Variants in FSHR observed in about 807,000 individuals in gnomAD.
FSHR encodes follicle-stimulating hormone receptor.
In FSHR, 46 loss-of-function variants were observed where a neutral mutation model predicts 52.1. That is an observed-to-expected ratio of 0.88 (90% CI 0.70 to 1.13). FSHR has a LOEUF of 1.13. FSHR is among the 50% of genes most tolerant of loss of function. The probability of loss-of-function intolerance (pLI) is 0.00; values close to 1 mark genes in which losing one functional copy is unlikely to be tolerated. For synonymous variants in FSHR, 399 were observed against 309.6 expected, an observed-to-expected ratio of 1.29 and a Z score of -3.03; for missense variants, 964 against 834.6, an observed-to-expected ratio of 1.16 and a Z score of -1.91.
At chr2:48,983,460 C>T (rs1023758229) in intron 6 of FSHR, among the ~76,000 whole-genome samples, 1 of 152,212 alleles carries the variant, frequency 6.6e-6, no homozygotes, top group Non-Finnish European at 1.5e-5. Context: ...ACTGTAAGGT[C>T]TTTACACACA....
intron 2 of FSHR, among the ~76,000 whole-genome samples, chr2:49,025,593 T>G (rs539347862): frequency 2.6e-5 from 4 of 152,130 alleles, no homozygotes; most frequent in Non-Finnish European, 4.4e-5. Flanking sequence ...AAAATTCCCA[T>G]GAAAATATGT....
intron 2 of FSHR, among the ~76,000 whole-genome samples, chr2:49,028,592 C>A (rs565055577): frequency 6.6e-6 from 1 of 152,292 alleles, no homozygotes; most frequent in African/African-American, 2.4e-5. Flanking sequence ...TCCTCTTATT[C>A]CTGGGAGCAT....
intron 4 of FSHR, among the ~76,000 whole-genome samples, chr2:49,013,018 C>G (rs1023127819): frequency 2.6e-5 from 4 of 151,692 alleles, no homozygotes; most frequent in African/African-American, 9.7e-5. Flanking sequence ...AGGATTATTG[C>G]CATTATATAA....
At chr2:49,033,734 T>C (rs549926502) in intron 2 of FSHR, among the ~76,000 whole-genome samples, 53 of 152,084 alleles carry the variant, frequency 3.5e-4, no homozygotes, top group Non-Finnish European at 7.5e-4. Context: ...AGAAAAAAAA[T>C]CATTTACCCC....
chr2:49,038,985 C>T (rs548889444), intron 2 of FSHR, among the ~76,000 whole-genome samples: 10 of 152,220 alleles, frequency 6.6e-5, no homozygotes, highest in African/African-American at 1.4e-4. Flanking sequence ...TATTTGAGAA[C>T]GTGTGCATAT....
At chr2:48,990,254 T>C (rs1573056025) in intron 5 of FSHR, among the ~76,000 whole-genome samples, 1 of 151,014 alleles carries the variant, frequency 6.6e-6, no homozygotes, top group South Asian at 2.1e-4. Flanking sequence ...ATACAGGGGG[T>C]GTTGTTTATG....
At chr2:49,022,287 C>CAAT (rs1667752842) in intron 2 of FSHR, among the ~76,000 whole-genome samples, 1 of 151,732 alleles carries the variant, frequency 6.6e-6, no homozygotes, top group East Asian at 2.0e-4. Context: ...ATTATTAGAA[C>CAAT]AAAGTAAAGA....
In FSHR at chr2:48,962,622, A is replaced by G. The variant is rs140106399; in HGVS notation, c.*111T>C. The G allele has an allele frequency of 9.2e-4, 1,025 of 1,108,632 alleles. 9 individuals carry two copies. The East Asian group carries it at 0.023, about 25-fold the overall frequency. The allele number at this position is 1,108,632 out of a possible 1,614,324, so 68.7% of individuals were successfully genotyped here. On this transcript the variant is annotated 3_prime_UTR_variant, in exon 10 of 10. Coordinates refer to ENST00000406846, the MANE Select transcript of FSHR (RefSeq NM_000145.4). The stretch of plus-strand genomic sequence containing the variant: ...CAATTTACCTTAAAGGTATGCCAGG[A>G]ATATTAAATTAGATGAAATGTGTAG...
intron 4 of FSHR, among the ~76,000 whole-genome samples, chr2:49,006,181 T>G (rs769128909): frequency 1.4e-4 from 21 of 152,078 alleles, no homozygotes; most frequent in South Asian, 2.1e-4. Flanking sequence ...TAAACTCCCC[T>G]TTATGTATAC....
chr2:49,013,932 A>G (rs1667384825), intron 4 of FSHR, among the ~76,000 whole-genome samples: 1 of 151,952 alleles, frequency 6.6e-6, no homozygotes, highest in African/African-American at 2.4e-5. Context: ...GAGACATGGG[A>G]TCTCTCTTTC....
At chr2:49,143,274 G>A (rs1672753814) in intron 1 of FSHR, among the ~76,000 whole-genome samples, 3 of 152,176 alleles carry the variant, frequency 2.0e-5, no homozygotes, top group Admixed American at 2.0e-4. Context: ...GTCAAAAAAG[G>A]AACATGTGTC....
At chr2:49,082,938 A>G (rs1231787699) in intron 1 of FSHR, among the ~76,000 whole-genome samples, 3 of 152,036 alleles carry the variant, frequency 2.0e-5, no homozygotes, top group South Asian at 2.1e-4. Flanking sequence ...ATTATCCAGG[A>G]GAACTTCCCC....
chr2:49,115,398 T>C (rs1009659640), intron 1 of FSHR, among the ~76,000 whole-genome samples: 15 of 152,132 alleles, frequency 9.9e-5, no homozygotes, highest in Non-Finnish European at 1.8e-4. Flanking sequence ...ATTCTAGCTT[T>C]GTGGAAAGAT....
intron 1 of FSHR, among the ~76,000 whole-genome samples, chr2:49,135,890 T>C (rs1217909897): frequency 1.3e-5 from 2 of 152,108 alleles, no homozygotes; most frequent in Non-Finnish European, 2.9e-5. Flanking sequence ...CATAAAGGTC[T>C]TTATCCTTGT....
intron 1 of FSHR, among the ~76,000 whole-genome samples, chr2:49,122,860 G>A (rs1459248400): frequency 6.6e-6 from 1 of 152,186 alleles, no homozygotes; most frequent in Non-Finnish European, 1.5e-5. Context: ...GGAAGGTCAT[G>A]TCACCTTTCT....
chr2:49,043,896 T>C (rs1668566910), intron 2 of FSHR, among the ~76,000 whole-genome samples: 1 of 152,208 alleles, frequency 6.6e-6, no homozygotes, highest in Non-Finnish European at 1.5e-5. Flanking sequence ...CCTCTCTTCT[T>C]TGATAATGGA....
chr2:49,078,126 A>G (rs1670018096), intron 1 of FSHR, among the ~76,000 whole-genome samples: 1 of 152,204 alleles, frequency 6.6e-6, no homozygotes, highest in African/African-American at 2.4e-5. Flanking sequence ...CATTTCTGAG[A>G]CTGGGCAATT....
In FSHR at chr2:49,074,283, C is replaced by T. The variant is rs1204567982; in HGVS notation, c.153-5993G>A. Among the ~76,000 whole-genome samples the T allele has an allele frequency of 2.0e-5, 3 of 151,884 alleles. No homozygotes were observed. In the East Asian group the frequency reaches 5.8e-4, roughly 29 times the overall value. ...AATGGAAGAAAATATTTGCCAACTA[C>T]CCATTTGACAGAAGATTAACTCAAA... On this transcript the variant is annotated intron_variant, in intron 1 of 9. Transcript: ENST00000406846.
intron 1 of FSHR, among the ~76,000 whole-genome samples, chr2:49,091,003 C>T (rs530840640): frequency 6.6e-6 from 1 of 151,532 alleles, no homozygotes; most frequent in South Asian, 2.1e-4. Context: ...TCTATATATA[C>T]TAGATAGAAG....
Sources: allele counts gnomAD v4.1 joint callset (sites outside exome capture counted in the v4.1 genomes callset), GRCh38; gene constraint gnomAD v4.1.1; transcripts MANE v1.5; gene names NCBI Gene and HGNC (gene_info 2026-07-23, HGNC 2026-07-21).